CDC27: variants seen among roughly 807,000 people sequenced by gnomAD.
CDC27 encodes the protein cell division cycle 27.
A neutral mutation model predicts 109.7 loss-of-function variants in CDC27; 27 were observed. The observed-to-expected ratio is 0.25, with a 90% CI of 0.18 to 0.34. The LOEUF (loss-of-function observed/expected upper bound fraction) is 0.34, where lower values mean the gene tolerates loss of function less well. Ranked by LOEUF, CDC27 falls within the 10% of genes least tolerant of loss-of-function variation. The pLI, the probability that CDC27 is intolerant of heterozygous loss-of-function variation, is 1.00. For synonymous variants in CDC27, 266 were observed against 333.9 expected (o/e 0.80, Z 2.22); for missense variants, 579 against 960.2 (o/e 0.60, Z 5.25).
intron 12 of CDC27, among the ~76,000 whole-genome samples, chr17:47,140,825 T>C (rs143738475): frequency 6.6e-6 from 1 of 152,346 alleles, no homozygotes; most frequent in East Asian, 1.9e-4. Flanking sequence ...TATTCAAAAT[T>C]AAATTATATG....
chr17:47,124,370 G>A (rs371051872), intron 16 of CDC27, among the ~76,000 whole-genome samples: 17 of 152,114 alleles, frequency 1.1e-4, no homozygotes, highest in South Asian at 2.1e-4. Flanking sequence ...TGCAATCTCC[G>A]CTTCTCAGAT....
intron 1 of CDC27, among the ~76,000 whole-genome samples, chr17:47,182,863 A>G (rs2064297605): frequency 6.6e-6 from 1 of 151,996 alleles, no homozygotes; most frequent in Non-Finnish European, 1.5e-5. Context: ...TGGGGTATAT[A>G]TTTAAGAATC....
chr17:47,135,309 A>G (rs146484354), intron 14 of CDC27, among the ~76,000 whole-genome samples: 2 of 152,262 alleles, frequency 1.3e-5, no homozygotes, highest in Non-Finnish European at 2.9e-5. Context: ...GTAATAGTGT[A>G]TTAGGTTAAT....
rs577836582 is a variant in CDC27, at chr17:47,120,713, A to G, written c.*222T>C. On this transcript the variant is annotated 3_prime_UTR_variant, in exon 19 of 19. Coordinates refer to ENST00000066544, the MANE Select transcript of CDC27 (RefSeq NM_001256.6). ...AAGTTCCCCACCCTACCCCCCATAA[A>G]TTGTCATTCATACTGGTAAAAGAGC... The G allele has an allele frequency of 4.6e-6, 2 of 433,346 alleles. No individual in the cohort carries two copies. The highest frequency in any genetic ancestry group is 6.7e-5 in the East Asian group (2 of 29,830). 26.8% of individuals were successfully genotyped at this position (433,346 alleles called of 1,614,324 possible). A position where few individuals can be genotyped will look rare whatever the true frequency, so the allele number is the denominator to read the frequency against.
chr17:47,188,423 A>T (rs1373107149), intron 1 of CDC27, among the ~76,000 whole-genome samples: 1 of 152,202 alleles, frequency 6.6e-6, no homozygotes, highest in African/African-American at 2.4e-5. Context: ...ATGGACAGAA[A>T]CACCATTATT....
chr17:47,122,416 T>G (rs758795699), intron 18 of CDC27, 28 bp downstream of exon 18: 1 of 1,449,040 alleles, frequency 6.9e-7, no homozygotes, highest in East Asian at 2.4e-5. Flanking sequence ...ACTTTCTAAA[T>G]ACTCAAAATC....
intron 16 of CDC27, among the ~76,000 whole-genome samples, chr17:47,124,592 T>C (rs548996544): frequency 1.6e-4 from 24 of 152,142 alleles, no homozygotes; most frequent in Non-Finnish European, 3.1e-4. Flanking sequence ...CCCAGTGATT[T>C]ATTTTTTAAC....
At chr17:47,181,278 A>AAAC in intron 2 of CDC27, 1 of 158,786 alleles carries the variant, frequency 6.3e-6, no homozygotes, top group Non-Finnish European at 1.3e-5. Flanking sequence ...AAAAAAAAAA[A>AAAC]AAAAAAAACC....
chr17:47,144,588 A>G (rs1365768181), intron 9 of CDC27, among the ~76,000 whole-genome samples: 1 of 152,330 alleles, frequency 6.6e-6, no homozygotes, highest in East Asian at 1.9e-4. Flanking sequence ...TATTCTCTTT[A>G]GAGCGAAAGG....
intron 14 of CDC27, among the ~76,000 whole-genome samples, chr17:47,132,988 CATATATATATATATATATATATATATAT>C (rs1158266100): frequency 2.4e-5 from 1 of 40,894 alleles, no homozygotes; most frequent in African/African-American, 1.1e-4. Flanking sequence ...TGCCCAGGCG[CATATATATATATATATATATATATATAT>C]ATATATATAT....
chr17:47,147,281 C>A (rs1338049227), intron 9 of CDC27, among the ~76,000 whole-genome samples: 1 of 151,584 alleles, frequency 6.6e-6, no homozygotes, highest in African/African-American at 2.4e-5. Context: ...CGCCTGTAGT[C>A]CCAGCTACAC....
chr17:47,133,026 T>TATAC (rs1482424599), intron 14 of CDC27, among the ~76,000 whole-genome samples: 2 of 32,366 alleles, frequency 6.2e-5, no homozygotes, highest in Non-Finnish European at 1.2e-4. Flanking sequence ...TATATATATA[T>TATAC]ATACACACAC....
chr17:47,184,508 A>T (rs1311299330), intron 1 of CDC27, among the ~76,000 whole-genome samples: 1 of 152,148 alleles, frequency 6.6e-6, no homozygotes, highest in Non-Finnish European at 1.5e-5. Flanking sequence ...GAGCTTTGAA[A>T]TTTTTTCTGT....
chr17:47,188,875 G>T (rs1206778721), intron 1 of CDC27: 5 of 1,376,872 alleles, frequency 3.6e-6, no homozygotes, highest in East Asian at 2.7e-5. Flanking sequence ...GGACTGACAG[G>T]AAAGGCTGGC....
intron 2 of CDC27, among the ~76,000 whole-genome samples, chr17:47,176,479 G>C (rs182366358): frequency 6.6e-6 from 1 of 152,064 alleles, no homozygotes; most frequent in Non-Finnish European, 1.5e-5. Flanking sequence ...TTAAAACCAC[G>C]CTTAGAGTAA....
chr17:47,167,640 G>GT (rs1180311052), intron 4 of CDC27, among the ~76,000 whole-genome samples: 2 of 152,172 alleles, frequency 1.3e-5, no homozygotes, highest in Non-Finnish European at 2.9e-5. Context: ...GCAACATTTT[G>GT]TTTTTTCCTA....
At chr17:47,133,137 A>ATATATT in intron 14 of CDC27, among the ~76,000 whole-genome samples, 1 of 114,828 alleles carries the variant, frequency 8.7e-6, no homozygotes, top group South Asian at 2.8e-4. Context: ...ATATATATAT[A>ATATATT]ATATATATGT....
At chr17:47,155,384 T>TACA (rs1263998012) in intron 7 of CDC27, among the ~76,000 whole-genome samples, 1 of 152,154 alleles carries the variant, frequency 6.6e-6, no homozygotes, top group South Asian at 2.1e-4. Context: ...TACCTGGGAT[T>TACA]ACACGTATGT....
At chr17:47,154,467 G>GT (rs1428423641) in intron 8 of CDC27, among the ~76,000 whole-genome samples, 1 of 152,112 alleles carries the variant, frequency 6.6e-6, no homozygotes, top group Non-Finnish European at 1.5e-5. Context: ...GGCCAAAAGA[G>GT]TAAGAAGTCT....
Sources: allele counts gnomAD v4.1 joint callset (sites outside exome capture counted in the v4.1 genomes callset), GRCh38; gene constraint gnomAD v4.1.1; transcripts MANE v1.5; gene names NCBI Gene and HGNC (gene_info 2026-07-23, HGNC 2026-07-21).